AGBL1: variants seen among roughly 807,000 people sequenced by gnomAD.
AGBL1 encodes cytosolic carboxypeptidase 4.
A neutral mutation model predicts 118.9 loss-of-function variants in AGBL1; 130 were observed. The ratio of observed to expected loss-of-function variants is 1.09; its 90% CI spans 0.95 to 1.26. The LOEUF is 1.26. Ranked by LOEUF, AGBL1 falls within the 50% of genes most tolerant of loss-of-function variation. AGBL1 has a pLI of 0.00. For missense variants in AGBL1, 1,584 were observed against 1,298.1 expected (o/e 1.22, Z -3.38); for synonymous variants, 555 against 478.9 (o/e 1.16, Z -2.08).
At chr15:86,448,242 A>G (rs1203579031) in intron 18 of AGBL1, among the ~76,000 whole-genome samples, 1 of 152,178 alleles carries the variant, frequency 6.6e-6, no homozygotes, top group African/African-American at 2.4e-5. Flanking sequence ...TGGGCCAGAG[A>G]TGTAGAGGAG....
At chr15:86,597,689 A>G (rs1202149298) in intron 21 of AGBL1, among the ~76,000 whole-genome samples, 1 of 152,190 alleles carries the variant, frequency 6.6e-6, no homozygotes, top group Non-Finnish European at 1.5e-5. Flanking sequence ...ACTTACTCAG[A>G]GCTTGCTTTA....
rs1453917685 is a variant in AGBL1 at position 86,264,300 on chromosome 15, A to G, written c.1129A>G (p.Thr377Ala). Reference sequence around the variant, plus strand: ...TGGAGATGATTTGAACTCTGAAAAGACTCAGTATGCCAATCACCACCACAT... The same window carrying G: ...TGGAGATGATTTGAACTCTGAAAAGGCTCAGTATGCCAATCACCACCACAT... ...KLGDDLNSEK[T>A]QYANHHHIPA... The change falls in exon 11 of 23, where the codon ACT becomes GCT. Residue 377 changes from threonine to alanine, a missense_variant. Transcript: ENST00000614907. 3.7e-6 allele frequency: 6 copies of G among 1,608,748 alleles called. No individual in the cohort carries two copies. In the Admixed American group the frequency reaches 8.5e-5, roughly 23 times the overall value.
intron 17 of AGBL1, among the ~76,000 whole-genome samples, chr15:86,321,659 C>T (rs1396212715): frequency 6.6e-6 from 1 of 151,946 alleles, no homozygotes; most frequent in African/African-American, 2.4e-5. Flanking sequence ...TGCCTGTAAT[C>T]CCAGATACTT....
At chr15:86,545,927 A>T (rs1488791087) in intron 19 of AGBL1, 75 bp from the exon 20 acceptor site, 1 of 1,520,726 alleles carries the variant, frequency 6.6e-7, no homozygotes, top group Non-Finnish European at 9.0e-7. Flanking sequence ...GAACATGAGT[A>T]GATACGATTT....
rs137945362 is a variant in AGBL1, at chr15:86,879,272, G to A, written c.3159-27815G>A. Among the ~76,000 whole-genome samples the A allele has an allele frequency of 4.3e-3, 652 of 152,244 alleles. 5 individuals are homozygous for A. Among genetic ancestry groups the A allele is most frequent in the East Asian group, 0.027 (142 of 5,170 alleles). ...GTTGACAGACCCAGGTCAACGCAGG[G>A]CTAAGGTAAGTGTCTGACTTCACAA... is the stretch of plus-strand genomic sequence containing the variant. On this transcript the variant is annotated intron_variant, in intron 22 of 22. Coordinates refer to ENST00000614907, the MANE Select transcript of AGBL1 (RefSeq NM_001386094.1).
In AGBL1 at chr15:86,298,248, TATATATATATATA is replaced by T. The variant is rs2079680178; in HGVS notation, c.2374+2841_2374+2853del. 1.9e-4 allele frequency among the ~76,000 whole-genome samples: 9 copies of T among 46,732 alleles called. 1 individual carries two copies. The highest frequency in any genetic ancestry group is 5.9e-4 in the Admixed American group (2 of 3,380). The allele number at this position is 46,732 out of a possible 152,430, so 30.7% of individuals were successfully genotyped here. ...ATACAGGGTACGTGTCTGTGTATAA[TATATATATATATA>T]TATATATATATATATATATGGTAAC... On this transcript the variant is annotated intron_variant, in intron 17 of 22. Coordinates refer to ENST00000614907, the MANE Select transcript of AGBL1 (RefSeq NM_001386094.1).
At chr15:86,230,023 C>A (rs908905654) in intron 6 of AGBL1, among the ~76,000 whole-genome samples, 1 of 152,014 alleles carries the variant, frequency 6.6e-6, no homozygotes, top group African/African-American at 2.4e-5. Flanking sequence ...AAAGGAAGAG[C>A]GACAGAGAAG....
At chr15:86,440,495 A>ATAATAATAG (rs2082050111) in intron 18 of AGBL1, among the ~76,000 whole-genome samples, 1 of 150,488 alleles carries the variant, frequency 6.6e-6, no homozygotes, top group East Asian at 2.0e-4. Context: ...AATAATAATA[A>ATAATAATAG]TAATAATAAT....
intron 21 of AGBL1, among the ~76,000 whole-genome samples, chr15:86,671,418 G>A (rs1442884728): frequency 6.6e-6 from 1 of 152,148 alleles, no homozygotes; most frequent in Admixed American, 6.6e-5. Flanking sequence ...ATCAGACTTT[G>A]TGTTACTGTC....
At chr15:86,319,305 G>A (rs2080067373) in intron 17 of AGBL1, among the ~76,000 whole-genome samples, 1 of 152,206 alleles carries the variant, frequency 6.6e-6, no homozygotes, top group Non-Finnish European at 1.5e-5. Flanking sequence ...GTGAATGAGA[G>A]TTGCTCTACA....
chr15:86,854,867 AT>A (rs2079456067), intron 22 of AGBL1, among the ~76,000 whole-genome samples: 1 of 152,180 alleles, frequency 6.6e-6, no homozygotes, highest in African/African-American at 2.4e-5. Flanking sequence ...CATGAAAAAC[AT>A]TACATAGTTG....
At position 86,858,961 on chromosome 15, in the gene AGBL1, C is replaced by A. The variant is rs796511848; in HGVS notation, c.3159-48126C>A. Among the ~76,000 whole-genome samples the A allele has an allele frequency of 4.6e-5, 7 of 152,190 alleles. No individual in the cohort carries two copies. The East Asian group carries it at 1.4e-3, about 29-fold the overall frequency. ...TCCACCTTATGGAGAAGAATTAGAA[C>A]CTCAAAAAAGGCTACTTACCTTTCC... On this transcript the variant is annotated intron_variant, in intron 22 of 22. Coordinates refer to ENST00000614907, the MANE Select transcript of AGBL1 (RefSeq NM_001386094.1).
At chr15:86,872,567 A>G (rs2079745057) in intron 22 of AGBL1, among the ~76,000 whole-genome samples, 1 of 152,114 alleles carries the variant, frequency 6.6e-6, no homozygotes, top group Admixed American at 6.5e-5. Context: ...CAGCCTGGCC[A>G]ATGTGGTGAA....
intron 24 of AGBL1, among the ~76,000 whole-genome samples, chr15:87,026,767 A>T (rs1462023656): frequency 6.6e-6 from 1 of 152,122 alleles, no homozygotes; most frequent in Non-Finnish European, 1.5e-5. Flanking sequence ...GTGGATAAAG[A>T]AACTGTGGTA....
chr15:86,965,746 A>G (rs1239142987), intron 23 of AGBL1, among the ~76,000 whole-genome samples: 1 of 152,054 alleles, frequency 6.6e-6, no homozygotes, highest in Non-Finnish European at 1.5e-5. Flanking sequence ...CAGCAAACTA[A>G]CATAAGAACA....
At chr15:86,876,251 G>A (rs888986268) in intron 22 of AGBL1, among the ~76,000 whole-genome samples, 3 of 152,062 alleles carry the variant, frequency 2.0e-5, no homozygotes, top group East Asian at 1.9e-4. Flanking sequence ...AAGGGAAGGC[G>A]GGGGTTGAAT....
chr15:86,143,821 C>T lies in AGBL1; in HGVS notation c.238C>T (p.Leu80=), dbSNP rs1400448554. ...TGACATCCTCCTGCCTCTCTTCCGG[C>T]TGCTGGCCAAAGTTGGCCTAAGAGG... ...DYDILLPLFR[L]LAKVGLRDKK... is the part of the protein sequence containing the mutation. Residue 80 remains leucine, a synonymous_variant, in exon 3 of 23, where the codon CTG becomes TTG. Transcript: ENST00000614907. 1 of 1,613,810 alleles carries T rather than the reference C, an allele frequency of 6.2e-7. No homozygotes were observed. Among genetic ancestry groups the T allele is most frequent in the East Asian group, 2.2e-5 (1 of 44,832 alleles).
chr15:86,659,713 G>T (rs2085510745), intron 21 of AGBL1, among the ~76,000 whole-genome samples: 1 of 152,158 alleles, frequency 6.6e-6, no homozygotes, highest in South Asian at 2.1e-4. Context: ...TTGGAGGCAG[G>T]CAGGAAGCAG....
intron 23 of AGBL1, among the ~76,000 whole-genome samples, chr15:86,938,238 C>A (rs1455776444): frequency 6.6e-6 from 1 of 152,146 alleles, no homozygotes; most frequent in Admixed American, 6.5e-5. Flanking sequence ...AAAATATTTG[C>A]TTTCCTGATT....
Sources: allele counts gnomAD v4.1 joint callset (sites outside exome capture counted in the v4.1 genomes callset), GRCh38; gene constraint gnomAD v4.1.1; transcripts MANE v1.5; gene names NCBI Gene and HGNC (gene_info 2026-07-23, HGNC 2026-07-21).